SCARB1: variants seen among roughly 807,000 people sequenced by gnomAD.
The protein encoded by SCARB1 is scavenger receptor class B member 1.
A neutral mutation model predicts 57.2 loss-of-function variants in SCARB1; 30 were observed. That is an observed-to-expected ratio of 0.52 (90% CI 0.39 to 0.71). The LOEUF is 0.71. Ranked by LOEUF, SCARB1 falls within the 30% of genes least tolerant of loss-of-function variation. SCARB1 has a pLI of 0.00. For synonymous variants in SCARB1, 249 were observed against 268.3 expected, an observed-to-expected ratio of 0.93 and a Z score of 0.70; for missense variants, 543 against 671.2, an observed-to-expected ratio of 0.81 and a Z score of 2.11.
At chr12:124,858,185 A>G (rs1283083127) in intron 1 of SCARB1, among the ~76,000 whole-genome samples, 2 of 152,176 alleles carry the variant, frequency 1.3e-5, no homozygotes, top group East Asian at 3.9e-4. Flanking sequence ...ACGCACACAC[A>G]TACACTAGCG....
rs1950554603 is a variant in SCARB1, at chr12:124,812,119, C to G, written c.631-154G>C. Among the ~76,000 whole-genome samples the G allele has an allele frequency of 6.6e-6, 1 of 152,140 alleles. No homozygotes were observed. The highest frequency in any genetic ancestry group is 1.5e-5 in the Non-Finnish European group (1 of 68,030). ...TGCCAAATGCCCAGTGTCTGGGGAC[C>G]GAGAGGAGGCTTGGGAGCTTTCTAG... On this transcript the variant is annotated intron_variant, in intron 4 of 12. Transcript: ENST00000261693. The surrounding 1 kb of genome is among the most constrained non-coding windows in gnomAD (Gnocchi z 4.3).
rs553669877 is a variant in SCARB1, at chr12:124,814,470, A to C, written c.427-65T>G. On this transcript the variant is annotated intron_variant, in intron 3 of 12. Transcript: ENST00000261693. This position sits in a 1 kb window ranked among gnomAD's most constrained non-coding sequence, Gnocchi z 4.7. Reference sequence around the variant, plus strand: ...GGCTGGCCCATCCTCCCTTGGCCCCAGCTGGGCCTCACAGCAAAGAGCCCA... The same window carrying C: ...GGCTGGCCCATCCTCCCTTGGCCCCCGCTGGGCCTCACAGCAAAGAGCCCA... The C allele has an allele frequency of 1.8e-4, 283 of 1,535,234 alleles. 3 individuals are homozygous for C. In the East Asian group the frequency reaches 6.3e-3, roughly 34 times the overall value.
chr12:124,848,662 G>T (rs797004508), intron 1 of SCARB1, among the ~76,000 whole-genome samples: 1 of 152,234 alleles, frequency 6.6e-6, no homozygotes, highest in Non-Finnish European at 1.5e-5. Flanking sequence ...GGTGGTGGAA[G>T]AACACACTGG....
At chr12:124,797,841 C>T (rs182610089) in intron 8 of SCARB1, among the ~76,000 whole-genome samples, 54 of 152,340 alleles carry the variant, frequency 3.5e-4, no homozygotes, top group Non-Finnish European at 1.3e-4. Context: ...TGCAGAACAG[C>T]ATCCGCCATG....
intron 9 of SCARB1, among the ~76,000 whole-genome samples, chr12:124,793,464 C>T (rs931407116): frequency 8.6e-5 from 13 of 151,470 alleles, no homozygotes; most frequent in Non-Finnish European, 1.5e-4. Context: ...GAGCCCGAGG[C>T]GGGCGGATCA....
chr12:124,850,910 T>A (rs544314800), intron 1 of SCARB1, among the ~76,000 whole-genome samples: 216 of 152,170 alleles, frequency 1.4e-3, no homozygotes, highest in African/African-American at 5.1e-3. Context: ...CAACAGCCCC[T>A]CCTTTTTGCC....
In SCARB1 at chr12:124,814,256, G is replaced by A; in HGVS notation, c.576C>T (p.Asn192=). The A allele has an allele frequency of 6.2e-7, 1 of 1,614,214 alleles. No homozygotes were observed. Among genetic ancestry groups the A allele is most frequent in the African/African-American group, 1.3e-5 (1 of 75,054 alleles). Reference sequence around the variant, plus strand: ...AGGGGAACATGCCTGGAAAGTACTTGTTGATGAGATTCACAAGGGGGTCCT... The same window carrying A: ...AGGGGAACATGCCTGGAAAGTACTTATTGATGAGATTCACAAGGGGGTCCT... ...GYKDPLVNLI[N]KYFPGMFPFK... is the part of the protein sequence containing the mutation. The change falls in exon 4 of 13, where the codon AAC becomes AAT. Residue 192 remains asparagine (N), a synonymous_variant. Coordinates refer to ENST00000261693, the MANE Select transcript of SCARB1 (RefSeq NM_005505.5). The surrounding 1 kb of genome is among the most constrained non-coding windows in gnomAD (Gnocchi z 4.7).
At chr12:124,832,430 G>T (rs1358230682) in intron 1 of SCARB1, among the ~76,000 whole-genome samples, 2 of 151,686 alleles carry the variant, frequency 1.3e-5, no homozygotes, top group Non-Finnish European at 1.5e-5. Context: ...TGAGGAAGGA[G>T]AATCACTTGA....
At chr12:124,787,544 G>T in intron 9 of SCARB1, 87 bp from the exon 10 acceptor site, 1 of 1,221,594 alleles carries the variant, frequency 8.2e-7, no homozygotes, top group Non-Finnish European at 1.2e-6. Flanking sequence ...ATCTAAACAG[G>T]TTTAGTATAA....
rs1594427145 is a variant in SCARB1 at position 124,863,786 on chromosome 12, G to A, written c.-66C>T. On this transcript the variant is annotated 5_prime_UTR_variant, in exon 1 of 13. Transcript: ENST00000261693. ...GCGCCTGGCAGGAGACGGGGACGGCGACAGAGACGACACAGGCGGGGACTC... is the reference window on the plus strand; with the variant it reads ...GCGCCTGGCAGGAGACGGGGACGGCAACAGAGACGACACAGGCGGGGACTC... 3 of 1,386,082 alleles carry A rather than the reference G, an allele frequency of 2.2e-6. No homozygotes were observed. Among genetic ancestry groups the A allele is most frequent in the Non-Finnish European group, 2.8e-6 (3 of 1,074,346 alleles). 85.9% of individuals were successfully genotyped at this position (1,386,082 alleles called of 1,614,324 possible). A position where few individuals can be genotyped will look rare whatever the true frequency, so the allele number is the denominator to read the frequency against.
At chr12:124,835,450 A>AT (rs1951606127) in intron 1 of SCARB1, among the ~76,000 whole-genome samples, 1 of 151,216 alleles carries the variant, frequency 6.6e-6, no homozygotes, top group Non-Finnish European at 1.5e-5. Context: ...TGTAGATTTT[A>AT]TTTTTTGTAG....
chr12:124,783,452 T>TA (rs1289010649), intron 11 of SCARB1: 27 of 152,158 alleles, frequency 1.8e-4, no homozygotes, highest in African/African-American at 6.6e-4. Flanking sequence ...TTTTTTTTTT[T>TA]AAATCAGGAC....
At chr12:124,782,055 G>A (rs903037226) in intron 12 of SCARB1, among the ~76,000 whole-genome samples, 2 of 152,088 alleles carry the variant, frequency 1.3e-5, no homozygotes, top group African/African-American at 4.8e-5. Context: ...ACAAGCGTGT[G>A]CCACCACACC....
In SCARB1 at chr12:124,782,824, C is replaced by T. The variant is rs1443206061; in HGVS notation, c.1402-13G>A. 10 of 1,613,808 alleles carry T rather than the reference C, an allele frequency of 6.2e-6. No individual in the cohort carries two copies. The highest frequency in any genetic ancestry group is 8.5e-6 in the Non-Finnish European group (10 of 1,179,846). ...AATAGCATTTCTCCTAGAAGATAAC[C>T]AAGCTAATTTATAGTTGACGTTGAA... On this transcript the variant is annotated splice_polypyrimidine_tract_variant and intron_variant, in intron 11 of 12. Coordinates refer to ENST00000261693, the MANE Select transcript of SCARB1 (RefSeq NM_005505.5).
At chr12:124,831,268 C>T (rs1169517727) in intron 1 of SCARB1, among the ~76,000 whole-genome samples, 2 of 151,950 alleles carry the variant, frequency 1.3e-5, no homozygotes, top group South Asian at 2.1e-4. Context: ...CATGAGCCAC[C>T]GCGCCTGGAC....
chr12:124,823,669 C>T (rs1415481371), intron 1 of SCARB1, among the ~76,000 whole-genome samples: 1 of 152,146 alleles, frequency 6.6e-6, no homozygotes, highest in Admixed American at 6.6e-5. Flanking sequence ...TAAAAAACAA[C>T]ACGTACAAGA....
intron 1 of SCARB1, among the ~76,000 whole-genome samples, chr12:124,841,467 G>A (rs1316648498): frequency 2.1e-5 from 3 of 142,010 alleles, no homozygotes; most frequent in South Asian, 2.2e-4. Context: ...GGGCGACAGA[G>A]AAAGACTCTG....
rs934221655 is a variant in SCARB1, at chr12:124,778,656, C to G, written c.*1-70G>C. The G allele has an allele frequency of 3.0e-6, 4 of 1,338,182 alleles. No individual in the cohort carries two copies. The African/African-American group carries it at 6.2e-5, about 21-fold the overall frequency. 82.9% of individuals were successfully genotyped at this position (1,338,182 alleles called of 1,614,324 possible). On this transcript the variant is annotated intron_variant, in intron 12 of 12. Transcript: ENST00000261693. ...CAAACCCCACCCTCATCCCCGCCCA[C>G]CACAGCCCTGTACCCACATCCCCAG...
intron 7 of SCARB1, among the ~76,000 whole-genome samples, chr12:124,804,654 CG>C (rs1950261504): frequency 6.6e-6 from 1 of 152,196 alleles, no homozygotes; most frequent in Non-Finnish European, 1.5e-5. Flanking sequence ...GAGACAGCAG[CG>C]GGCGTCCCAG....
Sources: gnomAD v4.1 joint callset for allele counts (sites outside exome capture counted in the v4.1 genomes callset) on GRCh38, gnomAD v4.1.1 for gene constraint, Gnocchi (gnomAD v3.1) non-coding constraint, MANE v1.5 for transcripts, NCBI Gene and HGNC (gene_info 2026-07-23, HGNC 2026-07-21) for gene names.